RBFOX1: variants seen among roughly 807,000 people sequenced by gnomAD.
RBFOX1 encodes the protein RNA binding fox-1 homolog 1.
Under a neutral mutation model 57.7 loss-of-function variants are expected in RBFOX1, and 8 were observed. The observed-to-expected ratio is 0.14, with a 90% confidence interval of 0.08 to 0.25. The LOEUF (loss-of-function observed/expected upper bound fraction) is 0.25, where lower values mean the gene tolerates loss of function less well. Ranked by LOEUF, RBFOX1 falls within the 10% of genes least tolerant of loss-of-function variation. The pLI is 1.00. For missense variants in RBFOX1, 611 were observed against 548.5 expected (o/e 1.11, Z -1.14); for synonymous variants, 326 against 222.4 (o/e 1.47, Z -4.15).
chr16:6,034,809 C>T (rs927180392), intron 1 of RBFOX1, among the ~76,000 whole-genome samples: 1 of 152,050 alleles, frequency 6.6e-6, no homozygotes, highest in Non-Finnish European at 1.5e-5. Flanking sequence ...GTGGAGTAGA[C>T]CCTGCTCTCA....
chr16:5,455,328 A>G (rs1184189661), intron 1 of RBFOX1, among the ~76,000 whole-genome samples: 1 of 152,068 alleles, frequency 6.6e-6, no homozygotes, highest in African/African-American at 2.4e-5. Flanking sequence ...CAAGAGACCA[A>G]GACAGATATA....
At chr16:6,900,090 T>A (rs1393511700) in intron 3 of RBFOX1, among the ~76,000 whole-genome samples, 1 of 152,176 alleles carries the variant, frequency 6.6e-6, no homozygotes, top group Non-Finnish European at 1.5e-5. Context: ...CTTAGAACAG[T>A]TCCTGGCACA....
At chr16:6,220,176 A>C (rs535340454) in intron 1 of RBFOX1, among the ~76,000 whole-genome samples, 3 of 152,258 alleles carry the variant, frequency 2.0e-5, no homozygotes, top group East Asian at 3.9e-4. Flanking sequence ...ATATATATAC[A>C]TCTCTGTGTG....
At position 6,080,619 on chromosome 16, in the gene RBFOX1, C is replaced by G. The variant is rs1380070952; in HGVS notation, c.-127+60627C>G. 2.6e-5 allele frequency among the ~76,000 whole-genome samples: 4 copies of G among 152,272 alleles called. No individual in the cohort carries two copies. In the East Asian group the frequency reaches 7.7e-4, roughly 29 times the overall value. ...TACATCAAATGACACATAGCACCAA[C>G]TTGGGCTGAGTTGGAAGTGACTCGT... On this transcript the variant is annotated intron_variant, in intron 1 of 15. Coordinates refer to ENST00000550418, the MANE Select transcript of RBFOX1 (RefSeq NM_018723.4).
At position 6,988,145 on chromosome 16, in the gene RBFOX1, C is replaced by T. The variant is rs114440006; in HGVS notation, c.-15-63912C>T. 3.1e-3 allele frequency among the ~76,000 whole-genome samples: 465 copies of T among 152,166 alleles called. 2 individuals carry two copies. Among genetic ancestry groups the T allele is most frequent in the African/African-American group, 0.011 (442 of 41,548 alleles). ...ACATAGGAATACATAAAAAAGAAAA[C>T]GCATTTCAAAGAGAAACACAGCAGA... On this transcript the variant is annotated intron_variant, in intron 3 of 15. Transcript: ENST00000550418.
intron 4 of RBFOX1, among the ~76,000 whole-genome samples, chr16:7,264,557 T>C (rs1425881359): frequency 3.9e-5 from 6 of 152,342 alleles, no homozygotes; most frequent in African/African-American, 1.4e-4. Flanking sequence ...TCTGGTATTG[T>C]GGCAGAAAGT....
intron 4 of RBFOX1, among the ~76,000 whole-genome samples, chr16:7,418,833 C>G (rs948342645): frequency 2.6e-5 from 4 of 151,892 alleles, no homozygotes; most frequent in Non-Finnish European, 5.9e-5. Flanking sequence ...TTTCTCTTCT[C>G]TCCTCTAAAG....
intron 1 of RBFOX1, among the ~76,000 whole-genome samples, chr16:5,319,784 T>C (rs1363235010): frequency 6.6e-6 from 1 of 152,180 alleles, no homozygotes; most frequent in Non-Finnish European, 1.5e-5. Context: ...TAGATGCTGG[T>C]TGGATGGCTT....
At chr16:6,795,267 C>A (rs1277719471) in intron 3 of RBFOX1, among the ~76,000 whole-genome samples, 1 of 152,072 alleles carries the variant, frequency 6.6e-6, no homozygotes, top group East Asian at 1.9e-4. Context: ...ACAGTCAAGT[C>A]ACCTTGATAG....
At chr16:7,432,407 G>A (rs2098689209) in intron 4 of RBFOX1, among the ~76,000 whole-genome samples, 1 of 152,162 alleles carries the variant, frequency 6.6e-6, no homozygotes, top group African/African-American at 2.4e-5. Context: ...AGCTTTTTGT[G>A]AATTCTCCTA....
Position 5,579,197 on chromosome 16 carries a change from C to T in RBFOX1, c.259-19705C>T, listed in dbSNP as rs571460831. On this transcript the variant is annotated intron_variant, in intron 2 of 2. Transcript: ENST00000585867. The stretch of plus-strand genomic sequence containing the variant: ...CAAGACTGGACCTGCTATCGCCCCA[C>T]CCAACTTGCACTTCCACTAGGATCG... Among the ~76,000 whole-genome samples the T allele has an allele frequency of 8.5e-5, 13 of 152,198 alleles. No homozygotes were observed. The South Asian group carries it at 2.7e-3, about 32-fold the overall frequency.
intron 3 of RBFOX1, among the ~76,000 whole-genome samples, chr16:6,978,812 C>T (rs2087827989): frequency 6.6e-6 from 1 of 152,220 alleles, no homozygotes; most frequent in Admixed American, 6.5e-5. Context: ...AATACATTGC[C>T]TATATCGGGT....
intron 2 of RBFOX1, among the ~76,000 whole-genome samples, chr16:6,543,684 G>A (rs1436325001): frequency 6.6e-6 from 1 of 152,070 alleles, no homozygotes; most frequent in Non-Finnish European, 1.5e-5. Context: ...GAGGAGAGAG[G>A]AGAACCTACG....
chr16:7,161,553 G>A (rs140196425), intron 4 of RBFOX1, among the ~76,000 whole-genome samples: 10 of 152,268 alleles, frequency 6.6e-5, no homozygotes, highest in African/African-American at 9.6e-5. Flanking sequence ...GTACATGTCA[G>A]TGAAGTCCTT....
chr16:7,268,168 A>G (rs764092879), intron 4 of RBFOX1, among the ~76,000 whole-genome samples: 1 of 152,200 alleles, frequency 6.6e-6, no homozygotes, highest in Non-Finnish European at 1.5e-5. Context: ...TAGAAAAGGT[A>G]CTGTAAAAAT....
At chr16:5,789,548 C>T (rs2151727096) in intron 3 of RBFOX1, among the ~76,000 whole-genome samples, 1 of 152,296 alleles carries the variant, frequency 6.6e-6, no homozygotes, top group African/African-American at 2.4e-5. Context: ...TCATCATCGT[C>T]ATCATCATCA....
chr16:7,177,091 C>T (rs946633078), intron 4 of RBFOX1, among the ~76,000 whole-genome samples: 2 of 152,172 alleles, frequency 1.3e-5, no homozygotes, highest in Non-Finnish European at 2.9e-5. Context: ...AAAGCTGGTT[C>T]GGAGACAACT....
chr16:7,060,880 C>A (rs147498149), intron 4 of RBFOX1, among the ~76,000 whole-genome samples: 2 of 152,178 alleles, frequency 1.3e-5, no homozygotes, highest in African/African-American at 4.8e-5. Context: ...TTTGCATTAA[C>A]TTTCCAAATG....
At chr16:6,018,531 G>A (rs1485611685), upstream of RBFOX1, among the ~76,000 whole-genome samples, 1 of 152,170 alleles carries the variant, frequency 6.6e-6, no homozygotes, top group Non-Finnish European at 1.5e-5. Context: ...CAGGAAGGGG[G>A]CAGGACAGGA....
Sources: gnomAD v4.1 joint callset for allele counts (sites outside exome capture counted in the v4.1 genomes callset) on GRCh38, gnomAD v4.1.1 for gene constraint, MANE v1.5 for transcripts, NCBI Gene and HGNC (gene_info 2026-07-23, HGNC 2026-07-21) for gene names.